Variants in ADGRG4 observed in about 807,000 individuals in gnomAD.
ADGRG4 encodes adhesion G protein-coupled receptor G4.
A neutral mutation model predicts 126.2 loss-of-function variants in ADGRG4; 122 were observed. The observed-to-expected ratio is 0.97, with a 90% CI of 0.83 to 1.12. The LOEUF (loss-of-function observed/expected upper bound fraction) is 1.12, where lower values mean the gene tolerates loss of function less well. Ranked by LOEUF, ADGRG4 falls within the 50% of genes most tolerant of loss-of-function variation. The pLI is 0.00. For missense variants in ADGRG4, 2,481 were observed against 2,251.8 expected (o/e 1.10, Z -2.06); for synonymous variants, 943 against 838.7 (o/e 1.12, Z -2.15).
intron 15 of ADGRG4, among the ~76,000 whole-genome samples, chrX:136,377,758 C>T (rs758536692): frequency 9.1e-6 from 1 of 110,458 alleles, no homozygotes; most frequent in South Asian, 3.8e-4. Context: ...AAGACTTTTC[C>T]TTCCCCATTG....
chrX:136,372,915 A>G lies in ADGRG4; in HGVS notation c.7627A>G (p.Ile2543Val). The G allele has an allele frequency of 8.3e-7, 1 of 1,211,592 alleles. No individual in the cohort carries two copies. Among genetic ancestry groups the G allele is most frequent in the African/African-American group, 1.7e-5 (1 of 57,825 alleles). Residue 2543 changes from isoleucine (I) to valine (V), a missense_variant, in exon 15 of 26, where the codon ATT becomes GTT. By Grantham distance (29) the Ile-to-Val change is conservative. Transcript: ENST00000394143. ...GGTTTCTTGCAGAATTCTGAGGATA[A>G]TTGAGCGTACTGGTCACAAGATGGA... ...HEISNEILRI[I>V]ERTGHKMEFS...
chrX:136,345,833 A>G lies in ADGRG4; in HGVS notation c.2127A>G (p.Pro709=). 1 of 1,210,951 alleles carries G rather than the reference A, an allele frequency of 8.3e-7. No individual in the cohort carries two copies. Among genetic ancestry groups the G allele is most frequent in the Non-Finnish European group, 1.1e-6 (1 of 894,863 alleles). Residue 709 remains proline, a synonymous_variant, in exon 6 of 26, where the codon CCA becomes CCG. Transcript: ENST00000394143. The part of the protein sequence containing the change: ...TTNITPLKAS[P]EGKGTTANDA... ...ATATCACCCCACTGAAAGCATCTCC[A>G]GAGGGCAAAGGTACCACTGCCAATG...
chrX:136,318,558 T>G (rs1026574527), intron 4 of ADGRG4, among the ~76,000 whole-genome samples: 1 of 112,059 alleles, frequency 8.9e-6, no homozygotes, highest in Admixed American at 9.5e-5. Context: ...AATTTCCCAG[T>G]ACAAATAAAA....
In ADGRG4 at chrX:136,338,393, T is replaced by C. The variant is rs890144179; in HGVS notation, c.686-5999T>C. Among the ~76,000 whole-genome samples, 24 of 110,776 alleles carry C rather than the reference T, an allele frequency of 2.2e-4. 1 individual carries two copies. The highest frequency in any genetic ancestry group is 7.2e-4 in the African/African-American group (22 of 30,434). The stretch of plus-strand genomic sequence containing the variant: ...CAAACTCCTGGATTCAGATGATCCG[T>C]CTTCCTTTCCTCCCAAAGTGCTGGG... On this transcript the variant is annotated intron_variant, in intron 5 of 25. Coordinates refer to ENST00000394143, the MANE Select transcript of ADGRG4 (RefSeq NM_153834.4).
chrX:136,378,300 G>A (rs1025611294), intron 15 of ADGRG4, among the ~76,000 whole-genome samples: 2 of 110,927 alleles, frequency 1.8e-5, no homozygotes, highest in Non-Finnish European at 3.8e-5. Flanking sequence ...GATTATATAT[G>A]AAATATTATT....
chrX:136,413,745 TG>T (rs367572340), intron 24 of ADGRG4, among the ~76,000 whole-genome samples: 3,329 of 27,443 alleles, frequency 0.12, 147 homozygotes, highest in African/African-American at 0.34. Context: ...TTTTTGTTTT[TG>T]TTTTTTTTTT....
intron 16 of ADGRG4, among the ~76,000 whole-genome samples, chrX:136,389,279 G>A (rs1312017808): frequency 8.9e-6 from 1 of 112,056 alleles, no homozygotes; most frequent in Non-Finnish European, 1.9e-5. Flanking sequence ...TTAAAAATAT[G>A]CTCCACAACA....
rs1285697705 is a variant in ADGRG4, at chrX:136,349,689, G to A, written c.5983G>A (p.Ala1995Thr). Residue 1995 changes from alanine (A) to threonine (T), a missense_variant, in exon 6 of 26, where the codon GCC becomes ACC. Physicochemically the swap from Ala to Thr is moderately conservative, Grantham distance 58. Transcript: ENST00000394143. ...CACACTCCCATCAATTCTTTCTGGT[G>A]CCACTTCAGGATCTGTAATTTCAAA... ...GTTLPSILSGATSGSVISKSP... is the reference protein window; with the variant it reads ...GTTLPSILSGTTSGSVISKSP... 1 of 1,208,498 alleles carries A rather than the reference G, an allele frequency of 8.3e-7. No homozygotes were observed. Among genetic ancestry groups the A allele is most frequent in the African/African-American group, 1.8e-5 (1 of 56,776 alleles).
In ADGRG4 at chrX:136,412,321, C is replaced by T; in HGVS notation, c.8992C>T (p.Gln2998Ter). 8.3e-7 allele frequency: 1 copy of T among 1,198,971 alleles called. No homozygotes were observed. The highest frequency in any genetic ancestry group is 3.0e-5 in the East Asian group (1 of 33,809). ...GAAGGAGAGTGTGCGGGAGCAGTGG[C>T]AGATACACCTCTGCTGTGGGTGGTT... ...VMKESVREQW[Q>*]IHLCCGWLRL... Residue 2998 changes from glutamine (Q) to a stop codon, truncating the protein, a stop_gained, in exon 24 of 26, where the codon CAG becomes TAG. Coordinates refer to ENST00000394143, the MANE Select transcript of ADGRG4 (RefSeq NM_153834.4). LOFTEE classifies it high-confidence loss of function.
chrX:136,332,626 T>C (rs1390743579), intron 5 of ADGRG4, among the ~76,000 whole-genome samples: 1 of 110,505 alleles, frequency 9.0e-6, no homozygotes. Context: ...CCACCAACAG[T>C]GTAAAAGTGT....
chrX:136,382,594 T>C (rs2075269844), intron 15 of ADGRG4, among the ~76,000 whole-genome samples: 1 of 111,808 alleles, frequency 8.9e-6, no homozygotes, highest in Non-Finnish European at 1.9e-5. Flanking sequence ...CCATTTGTAG[T>C]CCTGCCTGGA....
At chrX:136,391,371 T>A (rs985194476) in intron 16 of ADGRG4, among the ~76,000 whole-genome samples, 2 of 111,608 alleles carry the variant, frequency 1.8e-5, no homozygotes, top group Non-Finnish European at 3.8e-5. Context: ...CTGACTTGCA[T>A]CCTGGAGCCT....
intron 13 of ADGRG4, among the ~76,000 whole-genome samples, chrX:136,364,142 TA>T (rs1406027101): frequency 9.0e-6 from 1 of 111,214 alleles, no homozygotes; most frequent in African/African-American, 3.3e-5. Flanking sequence ...TTATTGTTTT[TA>T]TTTTTTTTTA....
intron 5 of ADGRG4, among the ~76,000 whole-genome samples, chrX:136,335,011 T>A (rs186327332): frequency 1.2e-3 from 129 of 111,767 alleles, no homozygotes; most frequent in African/African-American, 3.8e-3. Flanking sequence ...ACAGTTGATG[T>A]TAGCTGTAGG....
At position 136,356,110 on chromosome X, in the gene ADGRG4, A is replaced by T. The variant is rs2075091862; in HGVS notation, c.6888-16A>T. 8.6e-7 allele frequency: 1 copy of T among 1,159,607 alleles called. No individual in the cohort carries two copies. Among genetic ancestry groups the T allele is most frequent in the Non-Finnish European group, 1.2e-6 (1 of 852,777 alleles). ...ATATTTCATTTTCCTATAATTTTGT[A>T]ATGCTTTTGATACAGGGACATTTCA... On this transcript the variant is annotated splice_polypyrimidine_tract_variant and intron_variant, in intron 8 of 25. Coordinates refer to ENST00000394143, the MANE Select transcript of ADGRG4 (RefSeq NM_153834.4).
At chrX:136,360,231 A>T (rs1400983463) in intron 11 of ADGRG4, among the ~76,000 whole-genome samples, 2 of 111,640 alleles carry the variant, frequency 1.8e-5, no homozygotes, top group African/African-American at 6.5e-5. Flanking sequence ...AGACTGGGAT[A>T]GCTGAGCAAA....
chrX:136,356,585 T>G (rs1191658054), intron 9 of ADGRG4, among the ~76,000 whole-genome samples: 1 of 112,328 alleles, frequency 8.9e-6, no homozygotes, highest in African/African-American at 3.2e-5. Flanking sequence ...CAATTCTCAG[T>G]TCTTGTTCCA....
chrX:136,346,823 G>T lies in ADGRG4; in HGVS notation c.3117G>T (p.Leu1039=). Residue 1039 remains leucine, a synonymous_variant, in exon 6 of 26, where the codon CTG becomes CTT. Coordinates refer to ENST00000394143, the MANE Select transcript of ADGRG4 (RefSeq NM_153834.4). ...TTACCATGTCTGAGCCTTCTACACT[G>T]GCCAGGGCTTTTTCTACATCTGTGC... ...TEVTMSEPST[L]ARAFSTSVLS... is the part of the protein sequence containing the mutation. 8.3e-7 allele frequency: 1 copy of T among 1,211,196 alleles called. No individual in the cohort carries two copies. The highest frequency in any genetic ancestry group is 1.1e-6 in the Non-Finnish European group (1 of 895,121).
chrX:136,404,846 C>A (rs2075396651), intron 22 of ADGRG4, among the ~76,000 whole-genome samples: 1 of 111,832 alleles, frequency 8.9e-6, no homozygotes, highest in Admixed American at 9.5e-5. Context: ...CACACACACA[C>A]AAACTCACAC....
Sources: gnomAD v4.1 joint callset for allele counts (sites outside exome capture counted in the v4.1 genomes callset) on GRCh38, gnomAD v4.1.1 for gene constraint, MANE v1.5 for transcripts, NCBI Gene and HGNC (gene_info 2026-07-23, HGNC 2026-07-21) for gene names.